Variants in SLC28A2 observed in about 807,000 individuals in gnomAD.
SLC28A2 encodes solute carrier family 28 member 2.
A neutral mutation model predicts 72.9 loss-of-function variants in SLC28A2; 69 were observed. The ratio of observed to expected loss-of-function variants is 0.95; its 90% CI spans 0.78 to 1.16. The LOEUF (loss-of-function observed/expected upper bound fraction) is 1.16, where lower values mean the gene tolerates loss of function less well. Among genes scored for constraint, SLC28A2 ranks in the 50% most tolerant of loss-of-function variants. The pLI, the probability that SLC28A2 is intolerant of heterozygous loss-of-function variation, is 0.00. For missense variants in SLC28A2, 745 were observed against 791.1 expected (o/e 0.94, Z 0.70); for synonymous variants, 296 against 294.1 (o/e 1.01, Z -0.07).
intron 5 of SLC28A2, 60 bp from the exon 6 acceptor site, chr15:45,263,821 G>C: frequency 6.5e-7 from 1 of 1,535,764 alleles, no homozygotes. Flanking sequence ...CAGACTCTCT[G>C]TAAGTTATTT....
At position 45,270,716 on chromosome 15, in the gene SLC28A2, C is replaced by T. The variant is rs369184219; in HGVS notation, c.1648+440C>T. On this transcript the variant is annotated intron_variant, in intron 15 of 17. Coordinates refer to ENST00000347644, the MANE Select transcript of SLC28A2 (RefSeq NM_004212.4). ...GATCTCAGCTCACTTAAACCTCCAC[C>T]TCCTGGGTTTAAGTGATTCTCATGC... 3.9e-5 allele frequency among the ~76,000 whole-genome samples: 6 copies of T among 152,142 alleles called. No individual in the cohort carries two copies. In the East Asian group the frequency reaches 9.6e-4, roughly 24 times the overall value.
At chr15:45,252,538 G>A (rs529862309) in intron 1 of SLC28A2, among the ~76,000 whole-genome samples, 2 of 152,316 alleles carry the variant, frequency 1.3e-5, no homozygotes, top group East Asian at 1.9e-4. Context: ...AATTGTGAAT[G>A]TCCATGTATT....
rs755687514 is a variant in SLC28A2, at chr15:45,267,729, A to C, written c.1132A>C (p.Lys378Gln). 1.2e-6 allele frequency: 2 copies of C among 1,614,036 alleles called. No homozygotes were observed. Among genetic ancestry groups the C allele is most frequent in the Non-Finnish European group, 1.7e-6 (2 of 1,179,996 alleles). ...CGCCCCTTGTGCTCTCGCCTCATCA[A>C]AGCTAGCGTATCCGGAAGTGGAGGA... Reference protein sequence around the residue: ...MAAPCALASSKLAYPEVEESK... With the variant: ...MAAPCALASSQLAYPEVEESK... The change falls in exon 12 of 18, where the codon AAG becomes CAG. Residue 378 changes from lysine to glutamine, a missense_variant. By Grantham distance (53) the Lys-to-Gln change is moderately conservative. Transcript: ENST00000347644.
intron 14 of SLC28A2, 70 bp downstream of exon 14, chr15:45,269,605 G>GTC: frequency 7.2e-7 from 1 of 1,395,812 alleles, no homozygotes; most frequent in Non-Finnish European, 1.0e-6. Flanking sequence ...TAGACAGAAA[G>GTC]TGCCAAACAG....
chr15:45,269,670 C>A (rs2413769), intron 14 of SLC28A2, 135 bp downstream of exon 14: 493,483 of 699,234 alleles, frequency 0.71, 183,016 homozygotes, highest in Non-Finnish European at 0.77. Flanking sequence ...ACTACAAAGC[C>A]AGCAGAACAG....
chr15:45,275,762 CG>C lies in SLC28A2; in HGVS notation c.*250del, dbSNP rs1181000814. ...CATCCTGGCTAACACAGTGAAACCCCGTCTCTACTAAAAATACAAAAAATTA... is the reference window on the plus strand; with the variant it reads ...CATCCTGGCTAACACAGTGAAACCCCTCTCTACTAAAAATACAAAAAATTA... On this transcript the variant is annotated 3_prime_UTR_variant, in exon 18 of 18. Coordinates refer to ENST00000347644, the MANE Select transcript of SLC28A2 (RefSeq NM_004212.4). 6 of 271,628 alleles carry C rather than the reference CG, an allele frequency of 2.2e-5. No individual in the cohort carries two copies. Among genetic ancestry groups the C allele is most frequent in the African/African-American group, 1.1e-4 (5 of 44,964 alleles). 16.8% of individuals were successfully genotyped at this position (271,628 alleles called of 1,614,324 possible).
intron 1 of SLC28A2, 116 bp downstream of exon 1, chr15:45,252,394 A>T (rs2140553667): frequency 1.6e-5 from 7 of 427,842 alleles, no homozygotes; most frequent in Middle Eastern, 7.6e-4. Flanking sequence ...TAATTTACAC[A>T]ATATAAGTTG....
rs202109009 is a variant in SLC28A2 at position 45,263,158 on chromosome 15, C to T, written c.360C>T (p.His120=). The T allele has an allele frequency of 6.2e-7, 1 of 1,613,916 alleles. No homozygotes were observed. The highest frequency in any genetic ancestry group is 1.7e-5 in the Admixed American group (1 of 59,980). Reference sequence around the variant, plus strand: ...GCTTGGTGATCTTTGTCCTGGTTCACTCGTTTTTGAAAAAGCTCCTGGGCA... The same window carrying T: ...GCTTGGTGATCTTTGTCCTGGTTCATTCGTTTTTGAAAAAGCTCCTGGGCA... ...ITCLVIFVLV[H]SFLKKLLGKK... Residue 120 remains histidine, a synonymous_variant, in exon 5 of 18, where the codon CAC becomes CAT. Coordinates refer to ENST00000347644, the MANE Select transcript of SLC28A2 (RefSeq NM_004212.4).
At chr15:45,272,815 A>C in intron 17 of SLC28A2, 31 bp downstream of exon 17, 60 of 1,169,940 alleles carry the variant, frequency 5.1e-5, no homozygotes, top group Non-Finnish European at 7.5e-5. Flanking sequence ...CCTTTCTCTC[A>C]CACACGGCCC....
Position 45,262,000 on chromosome 15 carries a change from T to C in SLC28A2, c.171-15T>C. 1 of 1,560,042 alleles carries C rather than the reference T, an allele frequency of 6.4e-7. No individual in the cohort carries two copies. The highest frequency in any genetic ancestry group is 1.1e-5 in the South Asian group (1 of 89,930). On this transcript the variant is annotated splice_polypyrimidine_tract_variant and intron_variant, in intron 3 of 17. Coordinates refer to ENST00000347644, the MANE Select transcript of SLC28A2 (RefSeq NM_004212.4). ...TGGAGTAATTCTTGTATCTTAACTT[T>C]TGGGTTCTTATTAGGAGGAGTCGGT...
At chr15:45,273,514 G>A (rs1302198854) in intron 17 of SLC28A2, among the ~76,000 whole-genome samples, 2 of 152,150 alleles carry the variant, frequency 1.3e-5, no homozygotes, top group African/African-American at 4.8e-5. Flanking sequence ...TGAGTGAAGG[G>A]AGTTGTGGGA....
intron 17 of SLC28A2, among the ~76,000 whole-genome samples, chr15:45,274,075 G>A (rs1049598107): frequency 6.6e-6 from 1 of 152,094 alleles, no homozygotes; most frequent in African/African-American, 2.4e-5. Context: ...ATAGGCCTGA[G>A]CCATCATGCC....
chr15:45,269,622 T>C, intron 14 of SLC28A2, 87 bp downstream of exon 14: 1 of 1,127,818 alleles, frequency 8.9e-7, no homozygotes, highest in Admixed American at 1.9e-5. Flanking sequence ...ACAGGTTTGT[T>C]GCAGACCTGC....
intron 12 of SLC28A2, 75 bp from the exon 13 acceptor site, chr15:45,268,134 CA>C: frequency 7.1e-7 from 1 of 1,408,064 alleles, no homozygotes; most frequent in Non-Finnish European, 9.8e-7. Flanking sequence ...ACGATAGGGA[CA>C]GTGGGATTTC....
At chr15:45,260,954 G>C (rs1194608556) in intron 3 of SLC28A2, among the ~76,000 whole-genome samples, 1 of 152,178 alleles carries the variant, frequency 6.6e-6, no homozygotes, top group African/African-American at 2.4e-5. Flanking sequence ...AGGAGGGGAT[G>C]GGGGCAGGAA....
chr15:45,267,329 TCA>T, intron 10 of SLC28A2, 124 bp from the exon 11 acceptor site: 1 of 1,015,682 alleles, frequency 9.8e-7, no homozygotes, highest in South Asian at 1.5e-5. Flanking sequence ...AAGCTGTGGC[TCA>T]CTTAACAGTG....
At chr15:45,260,016 A>T (rs1900102709) in intron 3 of SLC28A2, among the ~76,000 whole-genome samples, 1 of 152,248 alleles carries the variant, frequency 6.6e-6, no homozygotes, top group South Asian at 2.1e-4. Flanking sequence ...AACAGATGGC[A>T]TACTTAAATT....
In SLC28A2 at chr15:45,268,213, G is replaced by T; in HGVS notation, c.1203G>T (p.Lys401Asn). 6.3e-7 allele frequency: 1 copy of T among 1,598,960 alleles called. No homozygotes were observed. Among genetic ancestry groups the T allele is most frequent in the Non-Finnish European group, 8.6e-7 (1 of 1,167,370 alleles). Residue 401 changes from lysine to asparagine, a missense_variant, in exon 13 of 18, where the codon AAG becomes AAT. Physicochemically the swap from Lys to Asn is moderately conservative, Grantham distance 94 (BLOSUM62 0). Transcript: ENST00000347644. ...SEEGVKLPRG[K>N]ERNVLEAASN... Reference sequence around the variant, plus strand: ...GCCCTCTGCCCAATAACCACAGGAAGGAGAGGAATGTCCTGGAAGCTGCCA... The same window carrying T: ...GCCCTCTGCCCAATAACCACAGGAATGAGAGGAATGTCCTGGAAGCTGCCA...
chr15:45,253,458 C>T lies in SLC28A2; in HGVS notation c.108C>T (p.Ser36=). Residue 36 remains serine (S), a synonymous_variant, in exon 3 of 18, where the codon AGC becomes AGT. Transcript: ENST00000347644. The part of the protein sequence containing the change: ...LMEKEVEPEG[S]KRTDAQGHSL... ...AAAAAGAAGTAGAGCCTGAGGGAAG[C>T]AAGAGGACTGACGCACAAGGACACA... is the stretch of plus-strand genomic sequence containing the variant. The T allele has an allele frequency of 6.2e-7, 1 of 1,613,862 alleles. No individual in the cohort carries two copies. The highest frequency in any genetic ancestry group is 8.5e-7 in the Non-Finnish European group (1 of 1,179,746).
Sources: allele counts gnomAD v4.1 joint callset (sites outside exome capture counted in the v4.1 genomes callset), GRCh38; gene constraint gnomAD v4.1.1; transcripts MANE v1.5; gene names NCBI Gene and HGNC (gene_info 2026-07-23, HGNC 2026-07-21).